The following MTSS1 variants were observed in gnomAD, a reference collection of about 807,000 sequenced individuals.
MTSS1 encodes MTSS I-BAR domain containing 1, also known as protein MTSS 1.
A neutral mutation model predicts 79.0 loss-of-function variants in MTSS1; 18 were observed. The observed-to-expected ratio is 0.23, with a 90% CI of 0.16 to 0.34. The LOEUF (loss-of-function observed/expected upper bound fraction) is 0.34, where lower values mean the gene tolerates loss of function less well. Ranked by LOEUF, MTSS1 falls within the 10% of genes least tolerant of loss-of-function variation. The pLI, the probability that MTSS1 is intolerant of heterozygous loss-of-function variation, is 1.00. For synonymous variants in MTSS1, 341 were observed against 368.6 expected, an observed-to-expected ratio of 0.93 and a Z score of 0.86; for missense variants, 815 against 986.2, an observed-to-expected ratio of 0.83 and a Z score of 2.33.
chr8:124,568,668 C>A (rs1401254976), intron 6 of MTSS1, 132 bp from the exon 7 acceptor site: 5 of 1,484,912 alleles, frequency 3.4e-6, no homozygotes, highest in Non-Finnish European at 3.7e-6. Flanking sequence ...TTTATTCATG[C>A]CCCAAAAGGA....
intron 1 of MTSS1, among the ~76,000 whole-genome samples, chr8:124,723,008 CT>C: frequency 6.6e-6 from 1 of 152,296 alleles, no homozygotes; most frequent in East Asian, 1.9e-4. Context: ...TAGTTTCAAC[CT>C]TTTCACCCTC....
chr8:124,727,399 G>T lies in MTSS1; in HGVS notation c.72+485C>A, dbSNP rs1425410413. Among the ~76,000 whole-genome samples the T allele has an allele frequency of 6.6e-6, 1 of 152,170 alleles. No homozygotes were observed. The highest frequency in any genetic ancestry group is 1.5e-5 in the Non-Finnish European group (1 of 68,024). On this transcript the variant is annotated intron_variant, in intron 1 of 13. Coordinates refer to ENST00000518547, the MANE Select transcript of MTSS1 (RefSeq NM_014751.6). The surrounding 1 kb of genome is among the most constrained non-coding windows in gnomAD (Gnocchi z 4.7). ...CAAGTAGACCTGACAGCCAAGGAGG[G>T]ACTGGCTTTCCCTCTCAGTCTCCTA...
chr8:124,599,497 AAAAAAGAG>A (rs1280845085), intron 3 of MTSS1, among the ~76,000 whole-genome samples: 55 of 136,128 alleles, frequency 4.0e-4, no homozygotes, highest in African/African-American at 1.5e-3. Context: ...AAAAAAAAAA[AAAAAAGAG>A]AGAGAGAAAG....
chr8:124,649,340 A>C (rs1275219513), intron 3 of MTSS1, among the ~76,000 whole-genome samples: 7 of 152,174 alleles, frequency 4.6e-5, no homozygotes, highest in Admixed American at 2.0e-4. Flanking sequence ...ACCTCTAAGG[A>C]GAGGTGTCCA....
At chr8:124,622,793 C>A (rs376662978) in intron 3 of MTSS1, among the ~76,000 whole-genome samples, 397 of 120,226 alleles carry the variant, frequency 3.3e-3, no homozygotes, top group Middle Eastern at 0.018. Context: ...GAGTCCATCT[C>A]AAAAAAAAAA....
intron 3 of MTSS1, among the ~76,000 whole-genome samples, chr8:124,665,985 T>A (rs898006090): frequency 6.6e-6 from 1 of 152,218 alleles, no homozygotes; most frequent in African/African-American, 2.4e-5. Flanking sequence ...GTGGTCTCCA[T>A]TGTTTCATCC....
At chr8:124,570,755 T>G (rs1827595951) in intron 6 of MTSS1, among the ~76,000 whole-genome samples, 1 of 152,142 alleles carries the variant, frequency 6.6e-6, no homozygotes, top group African/African-American at 2.4e-5. Flanking sequence ...CAGGCTGGAG[T>G]GCAGTGGAAT....
intron 3 of MTSS1, among the ~76,000 whole-genome samples, chr8:124,651,444 C>T (rs1184990320): frequency 1.3e-5 from 2 of 151,404 alleles, no homozygotes; most frequent in African/African-American, 4.9e-5. Flanking sequence ...ATACAGTCCA[C>T]ATGGTCTTTT....
chr8:124,656,845 C>A (rs1222017423), intron 3 of MTSS1, among the ~76,000 whole-genome samples: 4 of 150,694 alleles, frequency 2.7e-5, no homozygotes, highest in Non-Finnish European at 4.4e-5. Context: ...TCCTTCAGAG[C>A]CACCCCTGAA....
At chr8:124,621,596 G>A (rs1427903273) in intron 3 of MTSS1, among the ~76,000 whole-genome samples, 1 of 152,196 alleles carries the variant, frequency 6.6e-6, no homozygotes, top group Non-Finnish European at 1.5e-5. Flanking sequence ...CCAGGCTACA[G>A]TGCAGTGGCG....
At chr8:124,722,123 AT>A (rs71576748) in intron 1 of MTSS1, among the ~76,000 whole-genome samples, 22,080 of 149,506 alleles carry the variant, frequency 0.15, 1,953 homozygotes, top group East Asian at 0.28. Context: ...AACTCAATTG[AT>A]TTTTTTTTTT....
In MTSS1 at chr8:124,639,697, C is replaced by T. The variant is rs1313941104; in HGVS notation, c.209-48462G>A. ...CAGGCTGGTTTTGAACTCCTGACCT[C>T]AAGTGATCTGCCTGCTTCGACCTCC... On this transcript the variant is annotated intron_variant, in intron 3 of 13. Coordinates refer to ENST00000518547, the MANE Select transcript of MTSS1 (RefSeq NM_014751.6). Among the ~76,000 whole-genome samples the T allele has an allele frequency of 3.9e-5, 6 of 152,296 alleles. No homozygotes were observed. The South Asian group carries it at 6.2e-4, about 16-fold the overall frequency.
chr8:124,567,547 G>A (rs3857944), intron 7 of MTSS1: 851,449 of 1,266,258 alleles, frequency 0.67, 287,843 homozygotes, highest in Non-Finnish European at 0.68. Context: ...TAGCTTCAAT[G>A]GATGACACGA....
intron 3 of MTSS1, among the ~76,000 whole-genome samples, chr8:124,658,277 T>A (rs1821345644): frequency 6.6e-6 from 1 of 152,186 alleles, no homozygotes; most frequent in Non-Finnish European, 1.5e-5. Context: ...TATACTGTTA[T>A]CACGATAGTG....
chr8:124,665,460 C>G (rs138807079), intron 3 of MTSS1, among the ~76,000 whole-genome samples: 1 of 152,314 alleles, frequency 6.6e-6, no homozygotes, highest in East Asian at 1.9e-4. Flanking sequence ...TCATACTCTT[C>G]CAGGAAGACT....
chr8:124,558,860 G>A, intron 10 of MTSS1: 1 of 1,528,658 alleles, frequency 6.5e-7, no homozygotes, highest in Non-Finnish European at 8.8e-7. Context: ...CCACACGAGG[G>A]GACCAACAGA....
At position 124,553,024 on chromosome 8, in the gene MTSS1, T is replaced by G; in HGVS notation, c.2236A>C (p.Thr746Pro). The change falls in exon 14 of 14, where the codon ACA becomes CCA. Residue 746 changes from threonine to proline, a missense_variant. Physicochemically the swap from Thr to Pro is conservative, Grantham distance 38. Coordinates refer to ENST00000518547, the MANE Select transcript of MTSS1 (RefSeq NM_014751.6). This position sits in a 1 kb window ranked among gnomAD's most constrained non-coding sequence, Gnocchi z 6.0. ...RRGVKLKKTT[T>P]NDRSAPRFS ...AAGCGAGGGGCTGAGCGATCGTTTG[T>G]CGTGGTCTTCTTCAGTTTCACGCCC... The G allele has an allele frequency of 6.2e-7, 1 of 1,614,034 alleles. No homozygotes were observed. The highest frequency in any genetic ancestry group is 8.5e-7 in the Non-Finnish European group (1 of 1,179,884).
chr8:124,718,234 T>C (rs545260777), intron 1 of MTSS1, among the ~76,000 whole-genome samples: 1 of 150,788 alleles, frequency 6.6e-6, no homozygotes, highest in African/African-American at 2.4e-5. Flanking sequence ...TAATCCCTCA[T>C]GAAATGCTCT....
chr8:124,572,917 T>C (rs927359880), intron 6 of MTSS1, among the ~76,000 whole-genome samples: 1 of 152,006 alleles, frequency 6.6e-6, no homozygotes, highest in African/African-American at 2.4e-5. Flanking sequence ...CAGCTAATTT[T>C]TGTATTTTTA....
Sources: allele counts gnomAD v4.1 joint callset (sites outside exome capture counted in the v4.1 genomes callset), GRCh38; gene constraint gnomAD v4.1.1; non-coding constraint Gnocchi (gnomAD v3.1); transcripts MANE v1.5; gene names NCBI Gene and HGNC (gene_info 2026-07-23, HGNC 2026-07-21).